Variants in CD47 observed in about 807,000 individuals in gnomAD.
The protein encoded by CD47 is leukocyte surface antigen CD47.
In CD47, 11 loss-of-function variants were observed where a neutral mutation model predicts 44.6. The ratio of observed to expected loss-of-function variants is 0.25; its 90% CI spans 0.16 to 0.41. The LOEUF (loss-of-function observed/expected upper bound fraction) is 0.41. CD47 is among the 10% of genes least tolerant of loss of function. The pLI is 1.00. For synonymous variants in CD47, 140 were observed against 136.3 expected (o/e 1.03, Z -0.19); for missense variants, 306 against 386.7 (o/e 0.79, Z 1.75).
rs938418458 is a variant in CD47 at position 108,043,966 on chromosome 3, T to A, written c.*3322A>T. The A allele has an allele frequency of 1.2e-4, 18 of 152,630 alleles. No individual in the cohort carries two copies. The highest frequency in any genetic ancestry group is 1.2e-3 in the Admixed American group (18 of 15,282). The allele number at this position is 152,630 out of a possible 1,614,324, so 9.5% of individuals were successfully genotyped here. ...AGCAGGTGATGGCAGTTAGTAATTTTAAAATATGACACAAGTAAAACTGTT... is the reference window on the plus strand; with the variant it reads ...AGCAGGTGATGGCAGTTAGTAATTTAAAAATATGACACAAGTAAAACTGTT... On this transcript the variant is annotated 3_prime_UTR_variant, in exon 11 of 11. Transcript: ENST00000361309.
chr3:108,066,764 C>T (rs765091), intron 3 of CD47, among the ~76,000 whole-genome samples: 88 of 152,010 alleles, frequency 5.8e-4, no homozygotes, highest in Middle Eastern at 3.4e-3. Context: ...GCTGATTGTG[C>T]GAATGTCGAC....
intron 1 of CD47, among the ~76,000 whole-genome samples, chr3:108,081,642 A>G (rs1182480382): frequency 6.6e-6 from 1 of 151,938 alleles, no homozygotes; most frequent in African/African-American, 2.4e-5. Flanking sequence ...TCACTTTTCT[A>G]TGCCTTGGTT....
chr3:108,047,718 T>C (rs2078744523), intron 10 of CD47, among the ~76,000 whole-genome samples: 1 of 152,196 alleles, frequency 6.6e-6, no homozygotes, highest in African/African-American at 2.4e-5. Context: ...ACCCTGAACC[T>C]CATTCATTGA....
Position 108,090,917 on chromosome 3 carries a change from C to CCGCCGCGGGGTCGCCGCCGCCGCCG in CD47, c.-34_-10dup. ...GCTACCAGGGGCCACATCTCCGCGC[C>CCGCCGCGGGGTCGCCGCCGCCGCCG]CGCCGCGGGGTCGCCGCCGCCGCCG... On this transcript the variant is annotated 5_prime_UTR_variant, in exon 1 of 11. Transcript: ENST00000361309. 6.8e-7 allele frequency: 1 copy of CCGCCGCGGGGTCGCCGCCGCCGCCG among 1,472,422 alleles called. No individual in the cohort carries two copies. Among genetic ancestry groups the CCGCCGCGGGGTCGCCGCCGCCGCCG allele is most frequent in the African/African-American group, 1.5e-5 (1 of 67,846 alleles). 91.2% of individuals were successfully genotyped at this position (1,472,422 alleles called of 1,614,324 possible).
chr3:108,074,423 C>T (rs1039814874), intron 2 of CD47, among the ~76,000 whole-genome samples: 2 of 152,056 alleles, frequency 1.3e-5, no homozygotes, highest in African/African-American at 4.8e-5. Context: ...AAGCAATTCT[C>T]CTGTCTCAGC....
chr3:108,066,334 A>G (rs2079105631), intron 3 of CD47, among the ~76,000 whole-genome samples: 1 of 152,252 alleles, frequency 6.6e-6, no homozygotes, highest in South Asian at 2.1e-4. Context: ...CTATTCTGAT[A>G]TGAATTCCAG....
intron 3 of CD47, among the ~76,000 whole-genome samples, chr3:108,065,811 CAAAAAAAAAAAAAAAAAAAA>C (rs58021560): frequency 8.2e-5 from 5 of 61,166 alleles, no homozygotes; most frequent in Non-Finnish European, 8.8e-5. Flanking sequence ...GACTCCGTCT[CAAAAAAAAAAAAAAAAAAAA>C]AAAAAAAAAA....
Position 108,090,932 on chromosome 3 carries a change from CGCCGCCGCCGCAGGTGTCCGGAGCAGCA to C in CD47, c.-52_-25del. 6.9e-7 allele frequency: 1 copy of C among 1,458,040 alleles called. No individual in the cohort carries two copies. Among genetic ancestry groups the C allele is most frequent in the Non-Finnish European group, 9.0e-7 (1 of 1,106,226 alleles). 90.3% of individuals were successfully genotyped at this position (1,458,040 alleles called of 1,614,324 possible). On this transcript the variant is annotated 5_prime_UTR_variant, in exon 1 of 11. Coordinates refer to ENST00000361309, the MANE Select transcript of CD47 (RefSeq NM_001777.4). The stretch of plus-strand genomic sequence containing the variant: ...ATCTCCGCGCCCGCCGCGGGGTCGC[CGCCGCCGCCGCAGGTGTCCGGAGCAGCA>C]GCCGCCGCCGCCGTTACAGGCAGGA...
At chr3:108,064,607 T>C (rs903244463) in intron 3 of CD47, among the ~76,000 whole-genome samples, 3 of 152,126 alleles carry the variant, frequency 2.0e-5, no homozygotes, top group African/African-American at 7.2e-5. Context: ...AGACTGGATT[T>C]GACACACCCA....
Position 108,060,736 on chromosome 3 carries a change from A to G in CD47, c.598+9T>C. 1 of 1,585,496 alleles carries G rather than the reference A, an allele frequency of 6.3e-7. No individual in the cohort carries two copies. The highest frequency in any genetic ancestry group is 1.7e-4 in the Middle Eastern group (1 of 6,004). ...TCCTGCGTTCCTGCCTAGGAACTGC[A>G]CATCTTACCTGGGACGAAAAGAATG... On this transcript the variant is annotated intron_variant, in intron 4 of 10. Transcript: ENST00000361309.
rs952483029 is a variant in CD47 at position 108,044,930 on chromosome 3, G to A, written c.*2358C>T. ...TTATGGGACAAAACAGATACATGAT[G>A]TGCAAAACACTGTCTGCAATTTAAA... On this transcript the variant is annotated 3_prime_UTR_variant, in exon 11 of 11. Coordinates refer to ENST00000361309, the MANE Select transcript of CD47 (RefSeq NM_001777.4). The A allele has an allele frequency of 6.6e-6, 1 of 152,634 alleles. No homozygotes were observed. Among genetic ancestry groups the A allele is most frequent in the African/African-American group, 2.4e-5 (1 of 41,462 alleles). The allele number at this position is 152,634 out of a possible 1,614,324, so 9.5% of individuals were successfully genotyped here.
chr3:108,067,365 T>C (rs961989141), intron 3 of CD47, among the ~76,000 whole-genome samples: 1 of 152,250 alleles, frequency 6.6e-6, no homozygotes, highest in Non-Finnish European at 1.5e-5. Context: ...GTATTGCCTG[T>C]ATAAAACAAA....
At chr3:108,064,346 T>G (rs1202228977) in intron 3 of CD47, among the ~76,000 whole-genome samples, 1 of 152,190 alleles carries the variant, frequency 6.6e-6, no homozygotes, top group Non-Finnish European at 1.5e-5. Flanking sequence ...GAAGGCCTAC[T>G]CTACTCTAAG....
At chr3:108,084,224 C>T (rs143488502) in intron 1 of CD47, among the ~76,000 whole-genome samples, 56 of 152,128 alleles carry the variant, frequency 3.7e-4, no homozygotes, top group Admixed American at 6.5e-4. Flanking sequence ...TTCATTACTA[C>T]AGCTCTTGCC....
chr3:108,075,134 A>T (rs1044336707), intron 2 of CD47, among the ~76,000 whole-genome samples: 1 of 152,210 alleles, frequency 6.6e-6, no homozygotes, highest in East Asian at 1.9e-4. Flanking sequence ...AGCCAAGGAC[A>T]TTCACATCCT....
At chr3:108,060,185 G>A (rs1291865031) in intron 4 of CD47, among the ~76,000 whole-genome samples, 1 of 152,148 alleles carries the variant, frequency 6.6e-6, no homozygotes, top group Admixed American at 6.5e-5. Context: ...GTTGAATGAT[G>A]GCCCTAAAAT....
rs1044079127 is a variant in CD47, at chr3:108,050,642, TTA to T, written c.910-42_910-41del. 4.2e-6 allele frequency: 3 copies of T among 716,136 alleles called. No homozygotes were observed. The African/African-American group carries it at 5.6e-5, about 13-fold the overall frequency. The allele number at this position is 716,136 out of a possible 1,614,324, so 44.4% of individuals were successfully genotyped here. On this transcript the variant is annotated intron_variant, in intron 8 of 10. Coordinates refer to ENST00000361309, the MANE Select transcript of CD47 (RefSeq NM_001777.4). ...AAATATATTTACATAAAAATATAAT[TTA>T]TGTCATGTCATTTTATAGTAAAACT...
chr3:108,085,379 A>T (rs1178983164), intron 1 of CD47, among the ~76,000 whole-genome samples: 2 of 152,118 alleles, frequency 1.3e-5, no homozygotes, highest in African/African-American at 2.4e-5. Context: ...CAGTTTCCTC[A>T]TCTATAAAAT....
At chr3:108,063,714 G>A (rs1165717843) in intron 3 of CD47, among the ~76,000 whole-genome samples, 1 of 152,130 alleles carries the variant, frequency 6.6e-6, no homozygotes, top group African/African-American at 2.4e-5. Flanking sequence ...GTTAACAGCA[G>A]GCTCTTATCA....
Sources: allele counts gnomAD v4.1 joint callset (sites outside exome capture counted in the v4.1 genomes callset), GRCh38; gene constraint gnomAD v4.1.1; transcripts MANE v1.5; gene names NCBI Gene and HGNC (gene_info 2026-07-23, HGNC 2026-07-21).